The following ADTRP variants were observed in gnomAD, a reference collection of about 807,000 sequenced individuals.
The protein encoded by ADTRP is androgen dependent TFPI regulating protein.
Under a neutral mutation model 27.0 loss-of-function variants are expected in ADTRP, and 20 were observed. The ratio of observed to expected loss-of-function variants is 0.74; its 90% CI spans 0.52 to 1.08. The LOEUF (loss-of-function observed/expected upper bound fraction) is 1.08. Ranked by LOEUF, ADTRP falls within the 50% of genes least tolerant of loss-of-function variation. The pLI, the probability that ADTRP is intolerant of heterozygous loss-of-function variation, is 0.00. For missense variants in ADTRP, 251 were observed against 275.0 expected (o/e 0.91, Z 0.62); for synonymous variants, 101 against 105.2 (o/e 0.96, Z 0.25).
At chr6:11,770,689 A>G (rs1581371590) in intron 1 of ADTRP, among the ~76,000 whole-genome samples, 1 of 152,116 alleles carries the variant, frequency 6.6e-6, no homozygotes, top group Non-Finnish European at 1.5e-5. Flanking sequence ...ACTTCTCATT[A>G]TTGCTGGTGA....
intron 4 of ADTRP, 78 bp downstream of exon 4, chr6:11,735,490 G>T: frequency 1.0e-6 from 1 of 1,000,704 alleles, no homozygotes; most frequent in Non-Finnish European, 1.5e-6. Flanking sequence ...GATTCTGACA[G>T]AACAGTACAC....
At chr6:11,718,297 C>T (rs1224263006) in intron 5 of ADTRP, among the ~76,000 whole-genome samples, 1 of 152,244 alleles carries the variant, frequency 6.6e-6, no homozygotes, top group East Asian at 1.9e-4. Context: ...ACTGTCTCTC[C>T]AACCACCCCC....
intron 4 of ADTRP, among the ~76,000 whole-genome samples, chr6:11,724,089 A>ACAAACAAACAAC (rs35453468): frequency 2.6e-5 from 4 of 151,892 alleles, no homozygotes; most frequent in African/African-American, 9.7e-5. Context: ...AAACAAACAA[A>ACAAACAAACAAC]CATAGAACCA....
intron 3 of ADTRP, among the ~76,000 whole-genome samples, chr6:11,743,755 C>T (rs1291306371): frequency 6.6e-6 from 1 of 152,166 alleles, no homozygotes; most frequent in African/African-American, 2.4e-5. Context: ...ATCAATGAAA[C>T]AAAGTGGGGC....
intron 4 of ADTRP, 88 bp from the exon 5 acceptor site, chr6:11,723,588 A>G: frequency 6.7e-7 from 1 of 1,482,742 alleles, no homozygotes; most frequent in African/African-American, 1.4e-5. Flanking sequence ...ACTGGTACCC[A>G]GGCAGGGGAA....
intron 1 of ADTRP, among the ~76,000 whole-genome samples, chr6:11,776,628 A>G (rs1763961790): frequency 6.6e-6 from 1 of 152,230 alleles, no homozygotes; most frequent in South Asian, 2.1e-4. Flanking sequence ...CCAATGTTCT[A>G]TGAAAGAAGC....
At chr6:11,775,064 A>G (rs529811764) in intron 1 of ADTRP, among the ~76,000 whole-genome samples, 1 of 152,298 alleles carries the variant, frequency 6.6e-6, no homozygotes, top group East Asian at 1.9e-4. Flanking sequence ...CAGGGAGAGC[A>G]GTGGCTCGAC....
rs374448731 is a variant in ADTRP at position 11,778,363 on chromosome 6, A to AT, written c.153+243dup. Among the ~76,000 whole-genome samples the AT allele has an allele frequency of 7.2e-4, 109 of 150,898 alleles. 1 individual carries two copies. The highest frequency in any genetic ancestry group is 2.3e-3 in the South Asian group (11 of 4,766). On this transcript the variant is annotated intron_variant, in intron 1 of 5. Transcript: ENST00000414691. ...CATCTGAAAAGAGCTCCAAGATGAG[A>AT]TTTTTTTTTTCAAGAGAGCATTTAA...
chr6:11,717,418 C>T (rs1359073190), intron 5 of ADTRP: 45 of 1,303,782 alleles, frequency 3.5e-5, no homozygotes, highest in Admixed American at 4.6e-5. Flanking sequence ...ACAGAAACTG[C>T]AGGCATGGCC....
chr6:11,728,050 C>A (rs1762273464), intron 4 of ADTRP, among the ~76,000 whole-genome samples: 2 of 152,160 alleles, frequency 1.3e-5, no homozygotes, highest in South Asian at 4.2e-4. Flanking sequence ...CAATGTCAGC[C>A]CTCCATTCAA....
chr6:11,760,010 G>A (rs1264241239), intron 3 of ADTRP, among the ~76,000 whole-genome samples: 1 of 152,144 alleles, frequency 6.6e-6, no homozygotes, highest in Non-Finnish European at 1.5e-5. Context: ...CAGAACGAAT[G>A]CCACTCTGCT....
chr6:11,734,172 G>A (rs935760948), intron 4 of ADTRP, among the ~76,000 whole-genome samples: 4 of 152,264 alleles, frequency 2.6e-5, no homozygotes, highest in Middle Eastern at 3.4e-3. Flanking sequence ...ATCTTTATGT[G>A]TCTATACTCT....
At chr6:11,777,154 G>A (rs561944522) in intron 1 of ADTRP, among the ~76,000 whole-genome samples, 1 of 152,300 alleles carries the variant, frequency 6.6e-6, no homozygotes, top group South Asian at 2.1e-4. Context: ...GGAAATGATA[G>A]TATCATTGAC....
intron 3 of ADTRP, among the ~76,000 whole-genome samples, chr6:11,745,642 G>T (rs1487853394): frequency 6.6e-6 from 1 of 152,192 alleles, no homozygotes; most frequent in African/African-American, 2.4e-5. Context: ...AACAGCTTTT[G>T]TGACATTCCC....
At chr6:11,754,665 T>G (rs1346213936) in intron 3 of ADTRP, among the ~76,000 whole-genome samples, 1 of 152,158 alleles carries the variant, frequency 6.6e-6, no homozygotes, top group East Asian at 1.9e-4. Context: ...TAGGCATAAG[T>G]GGCTTCTTAG....
intron 4 of ADTRP, among the ~76,000 whole-genome samples, chr6:11,734,833 A>G (rs562953375): frequency 1.3e-5 from 2 of 152,336 alleles, no homozygotes; most frequent in East Asian, 3.9e-4. Context: ...AGTCTAGAGA[A>G]GGAACACTGA....
intron 2 of ADTRP, 40 bp downstream of exon 2, chr6:11,768,209 C>G (rs1242191844): frequency 6.2e-7 from 1 of 1,610,764 alleles, no homozygotes. Context: ...TGTCCATATG[C>G]ACATTTCTGT....
chr6:11,770,918 T>C lies in ADTRP; in HGVS notation c.154-2535A>G, dbSNP rs149009350. Among the ~76,000 whole-genome samples the C allele has an allele frequency of 7.4e-3, 1,130 of 152,290 alleles. 10 individuals carry two copies. The highest frequency in any genetic ancestry group is 0.023 in the African/African-American group (974 of 41,550). On this transcript the variant is annotated intron_variant, in intron 1 of 5. Coordinates refer to ENST00000414691, the MANE Select transcript of ADTRP (RefSeq NM_032744.4). ...AGGGGAAGAGGCCTGCGCTGTTCTA[T>C]CAGCAGGGCAATTAATCCCATCCTG...
chr6:11,768,346 T>A lies in ADTRP; in HGVS notation c.191A>T (p.Asp64Val), dbSNP rs1763642104. ...QTIFYGVTCL[D>V]DVLKRTKGGK... ...CCCTTTGGTTCTTTTCAGCACATCA[T>A]CCAGGCAGGTGACCCCGTAGAAAAT... Residue 64 changes from aspartate to valine, a missense_variant, in exon 2 of 6, where the codon GAT becomes GTT. By Grantham distance (152) the Asp-to-Val change is radical. Transcript: ENST00000414691. 1.2e-6 allele frequency: 2 copies of A among 1,614,094 alleles called. No homozygotes were observed. The highest frequency in any genetic ancestry group is 2.7e-5 in the African/African-American group (2 of 74,928).
Sources: gnomAD v4.1 joint callset for allele counts (sites outside exome capture counted in the v4.1 genomes callset) on GRCh38, gnomAD v4.1.1 for gene constraint, MANE v1.5 for transcripts, NCBI Gene and HGNC (gene_info 2026-07-23, HGNC 2026-07-21) for gene names.